The following MYO1H variants were observed in gnomAD, a reference collection of about 807,000 sequenced individuals.
MYO1H encodes the protein myosin IH.
MYO1H carries 118 observed loss-of-function variants against 149.3 expected under a neutral mutation model. The observed-to-expected ratio is 0.79, with a 90% CI of 0.68 to 0.92. The LOEUF is 0.92. Among genes scored for constraint, MYO1H ranks in the 40% least tolerant of loss-of-function variants. The pLI, the probability that MYO1H is intolerant of heterozygous loss-of-function variation, is 0.00. For synonymous variants in MYO1H, 447 were observed against 465.2 expected, an observed-to-expected ratio of 0.96 and a Z score of 0.50; for missense variants, 1,212 against 1,280.7, an observed-to-expected ratio of 0.95 and a Z score of 0.82.
At chr12:109,407,489 C>A (rs553269237) in intron 9 of MYO1H, among the ~76,000 whole-genome samples, 1 of 151,168 alleles carries the variant, frequency 6.6e-6, no homozygotes, top group Non-Finnish European at 1.5e-5. Context: ...TAGTTCAAGA[C>A]TGTGTGTGGT....
At chr12:109,331,072 T>A in the MYO1H span, among the ~76,000 whole-genome samples, 1 of 152,250 alleles carries the variant, frequency 6.6e-6, no homozygotes, top group Non-Finnish European at 1.5e-5. Flanking sequence ...TTAAAGACAC[T>A]CATTTTTGCT....
chr12:109,427,658 G>C, intron 19 of MYO1H, 72 bp downstream of exon 19: 1 of 1,121,880 alleles, frequency 8.9e-7, no homozygotes, highest in Non-Finnish European at 1.4e-6. Context: ...GGGTTTAGTG[G>C]TAAATAAAAT....
At chr12:109,355,090 G>A (rs1231581537) in intron 1 of MYO1H, among the ~76,000 whole-genome samples, 1 of 152,164 alleles carries the variant, frequency 6.6e-6, no homozygotes, top group Non-Finnish European at 1.5e-5. Context: ...CAGTCAACAG[G>A]CCCTGAGTTC....
chr12:109,424,815 G>A, exon 17 of MYO1H: 1 of 1,613,852 alleles, frequency 6.2e-7, no homozygotes. Flanking sequence ...GAAAACCGGA[G>A]GAGGCCCCCA....
chr12:109,443,040 G>GTGTGTATACACATATA lies in MYO1H; in HGVS notation c.2689-469_2689-468insATACACATATATGTGT, dbSNP rs1592823030. Among the ~76,000 whole-genome samples the GTGTGTATACACATATA allele has an allele frequency of 3.3e-4, 14 of 42,732 alleles. 2 individuals carry two copies. Among genetic ancestry groups the GTGTGTATACACATATA allele is most frequent in the African/African-American group, 1.1e-3 (14 of 13,128 alleles). The allele number at this position is 42,732 out of a possible 152,430, so 28.0% of individuals were successfully genotyped here. On this transcript the variant is annotated intron_variant, in intron 27 of 31. Transcript: ENST00000310903. ...TATATATATATATATGTGTGTGTGT[G>GTGTGTATACACATATA]TGTGTGTATATATGTGTACGTATGT...
chr12:109,323,064 G>A, the MYO1H span, among the ~76,000 whole-genome samples: 4 of 152,106 alleles, frequency 2.6e-5, no homozygotes, highest in South Asian at 4.1e-4. Flanking sequence ...CTGAGATCAC[G>A]CCACTGCACT....
chr12:109,428,542 A>G (rs1871476432), intron 19 of MYO1H, among the ~76,000 whole-genome samples: 1 of 152,200 alleles, frequency 6.6e-6, no homozygotes, highest in African/African-American at 2.4e-5. Flanking sequence ...CTGTGTGTGA[A>G]TTTATGCTAC....
upstream of MYO1H, among the ~76,000 whole-genome samples, chr12:109,346,843 A>G (rs35308094): frequency 0.058 from 8,826 of 152,218 alleles, 391 homozygotes; most frequent in South Asian, 0.14. Context: ...TTAGTATACT[A>G]TTTCTGGTTG....
the MYO1H span, among the ~76,000 whole-genome samples, chr12:109,320,201 C>G: frequency 3.3e-5 from 5 of 151,880 alleles, no homozygotes; most frequent in Non-Finnish European, 7.4e-5. Flanking sequence ...GTAGTCCCAG[C>G]TGCTTGAGAA....
chr12:109,417,187 A>G (rs1033823076), intron 15 of MYO1H, among the ~76,000 whole-genome samples: 25 of 152,102 alleles, frequency 1.6e-4, no homozygotes, highest in African/African-American at 6.0e-4. Context: ...AAAAATATAT[A>G]TGTTAACTCT....
the MYO1H span, among the ~76,000 whole-genome samples, chr12:109,316,199 C>T: frequency 6.6e-6 from 1 of 152,128 alleles, no homozygotes; most frequent in East Asian, 1.9e-4. Context: ...CCTTTGTCCA[C>T]AAAAGGGCCT....
chr12:109,379,565 A>G (rs1002402991), intron 1 of MYO1H, among the ~76,000 whole-genome samples: 1 of 152,174 alleles, frequency 6.6e-6, no homozygotes, highest in Non-Finnish European at 1.5e-5. Context: ...GTTCTAAAAA[A>G]TAATGAGGAA....
At chr12:109,403,709 T>C (rs921240395) in intron 6 of MYO1H, among the ~76,000 whole-genome samples, 2 of 152,202 alleles carry the variant, frequency 1.3e-5, no homozygotes, top group African/African-American at 4.8e-5. Flanking sequence ...ATAAGAAAAC[T>C]ATGTTTAAAA....
intron 20 of MYO1H, among the ~76,000 whole-genome samples, chr12:109,434,134 C>T (rs1308248393): frequency 6.6e-6 from 1 of 152,082 alleles, no homozygotes; most frequent in African/African-American, 2.4e-5. Flanking sequence ...CTTAGCCTCT[C>T]GAGTAGCTGG....
At chr12:109,350,632 C>A (rs1868444430) in intron 1 of MYO1H, among the ~76,000 whole-genome samples, 1 of 152,094 alleles carries the variant, frequency 6.6e-6, no homozygotes, top group Admixed American at 6.5e-5. Context: ...TAATAAAGCT[C>A]CCTGTCAGAT....
At chr12:109,412,663 C>A (rs1376266100) in intron 14 of MYO1H, among the ~76,000 whole-genome samples, 1 of 151,796 alleles carries the variant, frequency 6.6e-6, no homozygotes, top group East Asian at 1.9e-4. Flanking sequence ...TATAGAGTAC[C>A]ACATCCCACA....
At chr12:109,378,435 C>T (rs949777563) in intron 1 of MYO1H, among the ~76,000 whole-genome samples, 3 of 152,022 alleles carry the variant, frequency 2.0e-5, no homozygotes, top group African/African-American at 7.3e-5. Flanking sequence ...ATCCTCCCAC[C>T]TCAGCCTCCC....
intron 19 of MYO1H, 113 bp from the exon 20 acceptor site, chr12:109,432,784 C>T (rs1183228713): frequency 5.6e-5 from 45 of 801,260 alleles, no homozygotes; most frequent in South Asian, 5.2e-4. Flanking sequence ...ACTACATACA[C>T]TGAGTGGCCG....
intron 18 of MYO1H, among the ~76,000 whole-genome samples, chr12:109,427,157 A>C (rs1224499933): frequency 1.3e-5 from 2 of 151,976 alleles, no homozygotes; most frequent in African/African-American, 2.4e-5. Flanking sequence ...CTCTACTAAA[A>C]ATACAAAAAT....
Sources: gnomAD v4.1 joint callset for allele counts (sites outside exome capture counted in the v4.1 genomes callset) on GRCh38, gnomAD v4.1.1 for gene constraint, MANE v1.5 for transcripts, NCBI Gene and HGNC (gene_info 2026-07-23, HGNC 2026-07-21) for gene names.